Variants in C16orf89 observed in about 807,000 individuals in gnomAD.
C16orf89 encodes chromosome 16 open reading frame 89.
A neutral mutation model predicts 41.5 loss-of-function variants in C16orf89; 57 were observed. The observed-to-expected ratio is 1.38, with a 90% CI of 1.11 to 1.71. The LOEUF is 1.71. C16orf89 is among the 40% of genes most tolerant of loss of function. The pLI is 0.00. For synonymous variants in C16orf89, 223 were observed against 190.6 expected, an observed-to-expected ratio of 1.17 and a Z score of -1.40; for missense variants, 575 against 445.9, an observed-to-expected ratio of 1.29 and a Z score of -2.61.
At chr16:5,063,168 T>G (rs572536904) in intron 1 of C16orf89, among the ~76,000 whole-genome samples, 15 of 151,606 alleles carry the variant, frequency 9.9e-5, no homozygotes, top group African/African-American at 3.1e-4. Context: ...AACATCCGAG[T>G]GAGAGCATTC....
chr16:5,055,103 A>C (rs889878442), intron 6 of C16orf89, 143 bp downstream of exon 6: 2 of 724,260 alleles, frequency 2.8e-6, no homozygotes, highest in Admixed American at 2.9e-5. Context: ...TTGTGTGTAC[A>C]CGTCTGTGTG....
At chr16:5,057,770 C>G (rs1436257574) in intron 4 of C16orf89, among the ~76,000 whole-genome samples, 2 of 151,996 alleles carry the variant, frequency 1.3e-5, no homozygotes, top group East Asian at 3.9e-4. Context: ...CTCAAGTGAT[C>G]CACCCACCTC....
At chr16:5,057,290 G>A (rs201973042) in intron 4 of C16orf89, among the ~76,000 whole-genome samples, 6 of 127,802 alleles carry the variant, frequency 4.7e-5, no homozygotes, top group South Asian at 4.8e-4. Flanking sequence ...ATATATATAT[G>A]TGTATATATA....
downstream of C16orf89, chr16:5,044,121 G>C: frequency 8.0e-7 from 1 of 1,253,222 alleles, no homozygotes; most frequent in Non-Finnish European, 1.0e-6. Flanking sequence ...TCAACCCTGG[G>C]TCAGTTGCAG....
intron 5 of C16orf89, chr16:5,055,795 T>C: frequency 6.9e-7 from 1 of 1,458,674 alleles, no homozygotes; most frequent in Non-Finnish European, 9.3e-7. Context: ...GAGTTTTCGA[T>C]AAACAATGAA....
chr16:5,057,278 GTA>G lies in C16orf89; in HGVS notation c.628-1092_628-1091del, dbSNP rs541997733. Among the ~76,000 whole-genome samples, 5 of 129,900 alleles carry G rather than the reference GTA, an allele frequency of 3.8e-5. No individual in the cohort carries two copies. In the East Asian group the frequency reaches 7.2e-4, roughly 19 times the overall value. 85.2% of individuals were successfully genotyped at this position (129,900 alleles called of 152,430 possible). A position where few individuals can be genotyped will look rare whatever the true frequency, so the allele number is the denominator to read the frequency against. ...GGAAAAGAAATATACATATATATAT[GTA>G]TATATATATGTGTATATATATATAT... On this transcript the variant is annotated intron_variant, in intron 4 of 7. Coordinates refer to ENST00000472572, the MANE Select transcript of C16orf89 (RefSeq NM_001098514.3).
chr16:5,054,116 A>G (rs971486498), intron 6 of C16orf89, among the ~76,000 whole-genome samples: 3 of 152,180 alleles, frequency 2.0e-5, no homozygotes, highest in African/African-American at 7.2e-5. Flanking sequence ...GCACCATCTT[A>G]TTTCAAAAGC....
chr16:5,043,634 A>G (rs1278628912), downstream of C16orf89: 1 of 152,192 alleles, frequency 6.6e-6, no homozygotes, highest in African/African-American at 2.4e-5. Context: ...GACCTGAACT[A>G]TTTTTTCCAA....
intron 1 of C16orf89, among the ~76,000 whole-genome samples, chr16:5,063,975 A>G (rs1956683018): frequency 6.6e-6 from 1 of 151,934 alleles, no homozygotes; most frequent in South Asian, 2.1e-4. Context: ...AAAAATACAA[A>G]AATTAGCCGG....
chr16:5,047,796 T>C (rs142848315), intron 7 of C16orf89, 82 bp downstream of exon 7: 295 of 820,466 alleles, frequency 3.6e-4, no homozygotes, highest in Middle Eastern at 6.5e-4. Context: ...TTTTCTTCCA[T>C]AGCAGAGAAT....
At chr16:5,056,212 C>G (rs749203601) in intron 4 of C16orf89, 24 bp from the exon 5 acceptor site, 5 of 1,574,516 alleles carry the variant, frequency 3.2e-6, no homozygotes, top group African/African-American at 1.3e-5. Flanking sequence ...CACCCAAAGA[C>G]AAGGGAGTCA....
intron 4 of C16orf89, among the ~76,000 whole-genome samples, chr16:5,058,044 C>T (rs1286823798): frequency 6.6e-6 from 1 of 152,058 alleles, no homozygotes; most frequent in African/African-American, 2.4e-5. Flanking sequence ...CTCCTGAGGT[C>T]CCAAGTAGAA....
rs186231680 is a variant in C16orf89 at position 5,048,286 on chromosome 16, T to C, written c.869-322A>G. Among the ~76,000 whole-genome samples the C allele has an allele frequency of 2.0e-3, 298 of 152,292 alleles. 2 individuals are homozygous for C. Among genetic ancestry groups the C allele is most frequent in the Admixed American group, 4.3e-3 (65 of 15,286 alleles). On this transcript the variant is annotated intron_variant, in intron 6 of 7. Coordinates refer to ENST00000472572, the MANE Select transcript of C16orf89 (RefSeq NM_001098514.3). ...CTGAGCTCAAGTGACCCTCCAGCCT[T>C]GGCCTCCCAAAGTACTGGATTATAT...
chr16:5,064,632 T>C (rs901283070), intron 1 of C16orf89, among the ~76,000 whole-genome samples: 3 of 152,206 alleles, frequency 2.0e-5, no homozygotes, highest in African/African-American at 7.2e-5. Flanking sequence ...CTGCCTTTGC[T>C]CCCTTCTGGG....
chr16:5,049,211 T>C (rs556035058), intron 6 of C16orf89, among the ~76,000 whole-genome samples: 3 of 152,224 alleles, frequency 2.0e-5, no homozygotes, highest in Admixed American at 6.5e-5. Flanking sequence ...AAAGCAAATG[T>C]TATTAGATAT....
At chr16:5,047,772 G>A (rs1045914504) in intron 7 of C16orf89, 106 bp downstream of exon 7, 10 of 726,718 alleles carry the variant, frequency 1.4e-5, no homozygotes, top group East Asian at 2.7e-5. Flanking sequence ...TGCCCCTTTG[G>A]TGATGCCAAG....
In C16orf89 at chr16:5,062,449, G is replaced by T. The variant is rs1374020880; in HGVS notation, c.334C>A (p.Leu112Met). ...AIQRSLHYLK[L>M]SDPKYLREFQ... ...CCTCTTAGGTACTTGGGATCACTCA[G>T]CTTGAGGTAGTGGAGGGATCTCTGG... Residue 112 changes from leucine to methionine, a missense_variant, in exon 2 of 8, where the codon CTG (leucine) becomes ATG (methionine). Leu to Met is a conservative substitution (Grantham distance 15). Coordinates refer to ENST00000472572, the MANE Select transcript of C16orf89 (RefSeq NM_001098514.3). 6 of 1,613,912 alleles carry T rather than the reference G, an allele frequency of 3.7e-6. No homozygotes were observed. The highest frequency in any genetic ancestry group is 5.1e-6 in the Non-Finnish European group (6 of 1,179,938).
intron 6 of C16orf89, among the ~76,000 whole-genome samples, chr16:5,054,945 C>G (rs1159957595): frequency 6.6e-6 from 1 of 152,150 alleles, no homozygotes; most frequent in Non-Finnish European, 1.5e-5. Context: ...TATAAATCAC[C>G]CAGTCTTGGG....
chr16:5,053,264 G>T (rs867116472), intron 6 of C16orf89, among the ~76,000 whole-genome samples: 6 of 152,100 alleles, frequency 3.9e-5, no homozygotes, highest in South Asian at 2.1e-4. Flanking sequence ...CAGCTACTCG[G>T]GAGGCTGAGG....
Sources: allele counts gnomAD v4.1 joint callset (sites outside exome capture counted in the v4.1 genomes callset), GRCh38; gene constraint gnomAD v4.1.1; transcripts MANE v1.5; gene names NCBI Gene and HGNC (gene_info 2026-07-23, HGNC 2026-07-21).